The following HMCN2 variants were observed in gnomAD, a reference collection of about 807,000 sequenced individuals.
The protein encoded by HMCN2 is hemicentin-2.
A neutral mutation model predicts 377.5 loss-of-function variants in HMCN2; 325 were observed. The ratio of observed to expected loss-of-function variants is 0.86; its 90% confidence interval spans 0.79 to 0.94. The LOEUF is 0.94. HMCN2 is among the 40% of genes least tolerant of loss of function. The pLI is 0.00. For missense variants in HMCN2, 4,543 were observed against 4,725.3 expected (o/e 0.96, Z 1.13); for synonymous variants, 2,007 against 2,046.8 (o/e 0.98, Z 0.53).
chr9:130,344,425 CTG>C (rs1417050440), intron 25 of HMCN2, among the ~76,000 whole-genome samples: 6 of 145,588 alleles, frequency 4.1e-5, no homozygotes, highest in South Asian at 2.2e-4. Context: ...TGTATGTGTT[CTG>C]TGTGTGTGTG....
intron 1 of HMCN2, among the ~76,000 whole-genome samples, chr9:130,271,729 C>T (rs1174623241): frequency 6.7e-6 from 1 of 149,018 alleles, no homozygotes; most frequent in Non-Finnish European, 1.5e-5. Flanking sequence ...GATTGGAAAC[C>T]AGGATATCCG....
rs1407494792 is a variant in HMCN2 at position 130,355,130 on chromosome 9, G to A, written c.5146+86G>A. 4.6e-5 allele frequency: 50 copies of A among 1,086,624 alleles called. No homozygotes were observed. The East Asian group carries it at 2.9e-3, about 63-fold the overall frequency. The allele number at this position is 1,086,624 out of a possible 1,614,324, so 67.3% of individuals were successfully genotyped here. On this transcript the variant is annotated intron_variant, in intron 32 of 97. Coordinates refer to ENST00000683500, the MANE Select transcript of HMCN2 (RefSeq NM_001291815.2). ...GCGTGCTTGTCCCGAGAGAGCTCCT[G>A]GAGTGGAGGGAGGGTGGGGAGAAGT...
chr9:130,302,020 T>G (rs1836540747), intron 8 of HMCN2, among the ~76,000 whole-genome samples: 1 of 151,786 alleles, frequency 6.6e-6, no homozygotes, highest in Non-Finnish European at 1.5e-5. Flanking sequence ...GTGTGTGAAT[T>G]TTGCATTTAT....
chr9:130,424,747 A>G, intron 87 of HMCN2, 29 bp from the exon 88 acceptor site: 1 of 1,513,326 alleles, frequency 6.6e-7, no homozygotes, highest in Non-Finnish European at 8.9e-7. Flanking sequence ...ATCAGCTCTA[A>G]CCCGGCCTCT....
At position 130,389,767 on chromosome 9, in the gene HMCN2, G is replaced by T. The variant is rs12006313; in HGVS notation, c.9524-1210G>T. Among the ~76,000 whole-genome samples, 1,252 of 152,198 alleles carry T rather than the reference G, an allele frequency of 8.2e-3. 18 individuals are homozygous for T. Among genetic ancestry groups the T allele is most frequent in the African/African-American group, 0.028 (1,178 of 41,502 alleles). On this transcript the variant is annotated intron_variant, in intron 62 of 97. Coordinates refer to ENST00000683500, the MANE Select transcript of HMCN2 (RefSeq NM_001291815.2). ...TGTTTGTATTTTTAGTAGAGATGGGGTTCCACCATGTTGGTCAGGCTGGTC... is the reference window on the plus strand; with the variant it reads ...TGTTTGTATTTTTAGTAGAGATGGGTTTCCACCATGTTGGTCAGGCTGGTC...
Position 130,423,576 on chromosome 9 carries a change from C to T in HMCN2, c.13381+850C>T, listed in dbSNP as rs188929440. ...ACCAGGCTTTGTTCCATGAAACAGA[C>T]GCACAGAGAGGCTGGGAAGGTGGTG... On this transcript the variant is annotated intron_variant, in intron 87 of 97. Transcript: ENST00000683500. The surrounding 1 kb of genome is among the most constrained non-coding windows in gnomAD (Gnocchi z 5.5). Among the ~76,000 whole-genome samples, 128 of 152,322 alleles carry T rather than the reference C, an allele frequency of 8.4e-4. No individual in the cohort carries two copies. The highest frequency in any genetic ancestry group is 3.4e-3 in the Middle Eastern group (1 of 294).
chr9:130,381,599 C>A (rs995598316), intron 54 of HMCN2, among the ~76,000 whole-genome samples: 1 of 152,160 alleles, frequency 6.6e-6, no homozygotes, highest in African/African-American at 2.4e-5. Flanking sequence ...GAACTACTGA[C>A]CTCAGGTGAT....
chr9:130,277,856 C>T (rs1297586580), intron 1 of HMCN2, among the ~76,000 whole-genome samples: 3 of 31,296 alleles, frequency 9.6e-5, no homozygotes, highest in African/African-American at 1.4e-4. Context: ...ACCACCACCA[C>T]CACCATCATC....
rs1248654383 is a variant in HMCN2 at position 130,392,176 on chromosome 9, T to C, written c.10136+58T>C. 5.1e-6 allele frequency: 5 copies of C among 981,344 alleles called. No individual in the cohort carries two copies. The African/African-American group carries it at 8.7e-5, about 17-fold the overall frequency. The allele number at this position is 981,344 out of a possible 1,614,324, so 60.8% of individuals were successfully genotyped here. A position where few individuals can be genotyped will look rare whatever the true frequency, so the allele number is the denominator to read the frequency against. ...CCACTCAGAGTGGACATGTGGGGAT[T>C]GTCAGCAAATGGGAGGTGCTGGAAG... On this transcript the variant is annotated intron_variant, in intron 66 of 97. Transcript: ENST00000683500.
chr9:130,310,642 C>G (rs28971133), intron 15 of HMCN2, among the ~76,000 whole-genome samples: 12 of 100,814 alleles, frequency 1.2e-4, no homozygotes, highest in Admixed American at 5.7e-4. Context: ...GTGTGAACAC[C>G]AGGAGGCGGG....
Position 130,373,939 on chromosome 9 carries a change from G to C in HMCN2, c.7439-563G>C, listed in dbSNP as rs560514714. Among the ~76,000 whole-genome samples, 35 of 150,800 alleles carry C rather than the reference G, an allele frequency of 2.3e-4. No individual in the cohort carries two copies. The South Asian group carries it at 7.0e-3, about 30-fold the overall frequency. On this transcript the variant is annotated intron_variant, in intron 48 of 97. Coordinates refer to ENST00000683500, the MANE Select transcript of HMCN2 (RefSeq NM_001291815.2). Reference sequence around the variant, plus strand: ...GGAGAAATTTGTGGCTGAATAAAAGGATAGGTGGGTAGGTAGATGGTTGGA... The same window carrying C: ...GGAGAAATTTGTGGCTGAATAAAAGCATAGGTGGGTAGGTAGATGGTTGGA...
In HMCN2 at chr9:130,389,578, C is replaced by CT. The variant is rs10706411; in HGVS notation, c.9523+1052dup. ...TTGTAGCATGGATCAGTACTTCATT[C>CT]TTTTTTTTTTTTTTGAGACGGGGTC... On this transcript the variant is annotated intron_variant, in intron 62 of 97. Transcript: ENST00000683500. 9.5e-3 allele frequency among the ~76,000 whole-genome samples: 1,381 copies of CT among 145,254 alleles called. 18 individuals carry two copies. The highest frequency in any genetic ancestry group is 0.031 in the African/African-American group (1,235 of 39,410).
At chr9:130,301,636 C>T (rs1009835749) in intron 8 of HMCN2, among the ~76,000 whole-genome samples, 36 of 152,334 alleles carry the variant, frequency 2.4e-4, no homozygotes, top group African/African-American at 7.7e-4. Context: ...TGGTCAGACA[C>T]CCCTCCCCCC....
rs141352972 is a variant in HMCN2 at position 130,409,355 on chromosome 9, G to A, written c.12879+422G>A. Among the ~76,000 whole-genome samples the A allele has an allele frequency of 7.9e-4, 121 of 152,288 alleles. 1 individual carries two copies. The highest frequency in any genetic ancestry group is 2.9e-3 in the African/African-American group (119 of 41,552). The stretch of plus-strand genomic sequence containing the variant: ...ACAACCAATAAGTGCAGGAGGCAGC[G>A]CCCCCACCCCCAGGTCTCCTGCCTC... On this transcript the variant is annotated intron_variant, in intron 84 of 97. Transcript: ENST00000683500.
chr9:130,313,658 G>C (rs1837390180), intron 15 of HMCN2, among the ~76,000 whole-genome samples: 2 of 152,086 alleles, frequency 1.3e-5, no homozygotes, highest in Admixed American at 1.3e-4. Context: ...CGGTGAGGTG[G>C]GGCGACTCGT....
intron 29 of HMCN2, among the ~76,000 whole-genome samples, chr9:130,349,977 A>T (rs1278193247): frequency 1.5e-5 from 2 of 132,876 alleles, no homozygotes; most frequent in African/African-American, 5.8e-5. Flanking sequence ...AGCTCACTGC[A>T]GCCTCAAACT....
chr9:130,394,918 C>A lies in HMCN2; in HGVS notation c.10693-109C>A. 1.5e-6 allele frequency: 1 copy of A among 672,968 alleles called. No homozygotes were observed. The highest frequency in any genetic ancestry group is 2.2e-6 in the Non-Finnish European group (1 of 457,534). The allele number at this position is 672,968 out of a possible 1,614,324, so 41.7% of individuals were successfully genotyped here. A position where few individuals can be genotyped will look rare whatever the true frequency, so the allele number is the denominator to read the frequency against. On this transcript the variant is annotated intron_variant, in intron 69 of 97. Coordinates refer to ENST00000683500, the MANE Select transcript of HMCN2 (RefSeq NM_001291815.2). The surrounding 1 kb of genome is among the most constrained non-coding windows in gnomAD (Gnocchi z 5.1). ...TGGCTGGGAGGTGGATGGCAGACCT[C>A]GCAGGGCTGAGTTTGAATCCTGGGT...
rs1454395463 is a variant in HMCN2, at chr9:130,353,014, G to A, written c.4673G>A (p.Gly1558Glu). ...HLVQLLCEAR[G>E]VPTPNITWFK... ...GTGCAGCTCCTGTGTGAGGCTCGAG[G>A]AGTGCCCACCCCAAACATCACCTGG... The change falls in exon 31 of 98, where the codon GGA becomes GAA. Residue 1558 changes from glycine (G) to glutamate (E), a missense_variant. Around this residue, in one of 5 missense-constraint regions of HMCN2, gnomAD observed 1,032 missense variants for 1,285.1 expected, o/e 0.80. Transcript: ENST00000683500. 3 of 1,304,150 alleles carry A rather than the reference G, an allele frequency of 2.3e-6. No individual in the cohort carries two copies. The highest frequency in any genetic ancestry group is 2.0e-6 in the Non-Finnish European group (2 of 988,898). 80.8% of individuals were successfully genotyped at this position (1,304,150 alleles called of 1,614,324 possible).
At chr9:130,274,405 G>A (rs1276320586) in intron 1 of HMCN2, among the ~76,000 whole-genome samples, 3 of 152,076 alleles carry the variant, frequency 2.0e-5, no homozygotes, top group East Asian at 1.9e-4. Context: ...AGTCCTGCTT[G>A]GTCACGGTGG....
Sources: gnomAD v4.1 joint callset for allele counts (sites outside exome capture counted in the v4.1 genomes callset) on GRCh38, gnomAD v4.1.1 for gene constraint, gnomAD v4.1.1 regional missense constraint, Gnocchi (gnomAD v3.1) non-coding constraint, MANE v1.5 for transcripts, NCBI Gene and HGNC (gene_info 2026-07-23, HGNC 2026-07-21) for gene names.